Variants in CCDC186 observed in about 807,000 individuals in gnomAD.
The protein encoded by CCDC186 is coiled-coil domain containing 186, also known as coiled-coil domain-containing protein 186.
A neutral mutation model predicts 113.7 loss-of-function variants in CCDC186; 49 were observed. The ratio of observed to expected loss-of-function variants is 0.43; its 90% CI spans 0.34 to 0.55. The LOEUF is 0.55. Among genes scored for constraint, CCDC186 ranks in the 20% least tolerant of loss-of-function variants. The pLI, the probability that CCDC186 is intolerant of heterozygous loss-of-function variation, is 0.02. For synonymous variants in CCDC186, 355 were observed against 345.8 expected (o/e 1.03, Z -0.30); for missense variants, 890 against 1,011.1 (o/e 0.88, Z 1.62).
chr10:114,166,047 C>T (rs2032328039), intron 1 of CCDC186: 1 of 449,238 alleles, frequency 2.2e-6, no homozygotes, highest in Non-Finnish European at 2.9e-6. Context: ...GGCAAAGTTA[C>T]ATCGGACCAA....
At chr10:114,172,562 A>C (rs1351663616) in intron 1 of CCDC186, among the ~76,000 whole-genome samples, 2 of 152,252 alleles carry the variant, frequency 1.3e-5, no homozygotes, top group African/African-American at 4.8e-5. Context: ...AGAAACCTTA[A>C]GTTTATATGC....
At position 114,160,777 on chromosome 10, in the gene CCDC186, T is replaced by C. The variant is rs549210804; in HGVS notation, c.632+1860A>G. Among the ~76,000 whole-genome samples, 6 of 152,260 alleles carry C rather than the reference T, an allele frequency of 3.9e-5. No homozygotes were observed. The South Asian group carries it at 8.3e-4, about 21-fold the overall frequency. On this transcript the variant is annotated intron_variant, in intron 2 of 15. Transcript: ENST00000369287. Reference sequence around the variant, plus strand: ...GAAGTTTTCTTCATAGAAAATTAGATGAAGAAAAAAGTTAAGAAAAAAATT... The same window carrying C: ...GAAGTTTTCTTCATAGAAAATTAGACGAAGAAAAAAGTTAAGAAAAAAATT...
intron 6 of CCDC186, 110 bp from the exon 7 acceptor site, chr10:114,137,400 A>G: frequency 9.1e-6 from 6 of 662,362 alleles, no homozygotes; most frequent in Admixed American, 2.9e-5. Context: ...TGAGGGGCCG[A>G]TTATTATTCT....
At chr10:114,144,647 C>A in intron 5 of CCDC186, 31 bp from the exon 6 acceptor site, 2 of 1,555,314 alleles carry the variant, frequency 1.3e-6, no homozygotes, top group South Asian at 1.2e-5. Context: ...CATATATTTT[C>A]ATTTATAGAA....
At chr10:114,150,602 T>C (rs1378393520) in intron 4 of CCDC186, among the ~76,000 whole-genome samples, 1 of 152,192 alleles carries the variant, frequency 6.6e-6, no homozygotes, top group African/African-American at 2.4e-5. Context: ...TTCCATACAC[T>C]TTTTTATTCA....
At chr10:114,171,273 C>G (rs2032485865) in intron 1 of CCDC186, among the ~76,000 whole-genome samples, 1 of 152,076 alleles carries the variant, frequency 6.6e-6, no homozygotes, top group Non-Finnish European at 1.5e-5. Context: ...AGGTGGCTCA[C>G]ACCTGTAATC....
intron 9 of CCDC186, among the ~76,000 whole-genome samples, chr10:114,135,279 T>A (rs765343175): frequency 7.9e-5 from 12 of 151,996 alleles, no homozygotes; most frequent in African/African-American, 1.2e-4. Context: ...CACCATCTCC[T>A]CACCTGAAAA....
At chr10:114,138,544 CA>C (rs2031357760) in intron 6 of CCDC186, among the ~76,000 whole-genome samples, 1 of 152,132 alleles carries the variant, frequency 6.6e-6, no homozygotes, top group African/African-American at 2.4e-5. Flanking sequence ...CTCAGCCTCC[CA>C]AACTGTCTTT....
chr10:114,149,857 G>GC (rs1231090382), intron 4 of CCDC186, among the ~76,000 whole-genome samples: 9 of 144,060 alleles, frequency 6.2e-5, no homozygotes, highest in African/African-American at 1.6e-4. Flanking sequence ...AGGCAGGCAG[G>GC]AAGGCAGGCA....
At chr10:114,156,190 T>C (rs894397796) in intron 3 of CCDC186, among the ~76,000 whole-genome samples, 17 of 152,204 alleles carry the variant, frequency 1.1e-4, no homozygotes, top group Admixed American at 1.1e-3. Context: ...ATACATACAA[T>C]TTTACAAATA....
At position 114,163,402 on chromosome 10, in the gene CCDC186, G is replaced by A. The variant is rs2032238879; in HGVS notation, c.-61-73C>T. 4.1e-6 allele frequency: 5 copies of A among 1,210,820 alleles called. No homozygotes were observed. In the South Asian group the frequency reaches 6.2e-5, roughly 15 times the overall value. The allele number at this position is 1,210,820 out of a possible 1,614,324, so 75.0% of individuals were successfully genotyped here. A position where few individuals can be genotyped will look rare whatever the true frequency, so the allele number is the denominator to read the frequency against. Reference sequence around the variant, plus strand: ...CCATACAAACTTGCACACACTCTGTGATGTGGAATAACTAACACCACAAAT... The same window carrying A: ...CCATACAAACTTGCACACACTCTGTAATGTGGAATAACTAACACCACAAAT... On this transcript the variant is annotated intron_variant, in intron 1 of 15. Coordinates refer to ENST00000369287, the MANE Select transcript of CCDC186 (RefSeq NM_018017.4).
intron 14 of CCDC186, 119 bp downstream of exon 14, chr10:114,127,342 A>T: frequency 1.1e-6 from 1 of 918,538 alleles, no homozygotes; most frequent in Non-Finnish European, 1.6e-6. Context: ...TGGGAACTGA[A>T]TAACTATAAT....
At chr10:114,173,708 C>T (rs1186098862) in intron 1 of CCDC186, among the ~76,000 whole-genome samples, 1 of 152,244 alleles carries the variant, frequency 6.6e-6, no homozygotes, top group Non-Finnish European at 1.5e-5. Context: ...AGGCAATGGG[C>T]TCGAATTCAG....
intron 13 of CCDC186, among the ~76,000 whole-genome samples, chr10:114,128,297 C>T (rs1206012593): frequency 6.6e-6 from 1 of 152,152 alleles, no homozygotes; most frequent in Non-Finnish European, 1.5e-5. Context: ...ATCCTCTTTA[C>T]CCTACAAAGA....
rs2031206945 is a variant in CCDC186 at position 114,134,941 on chromosome 10, C to A, written c.1627G>T (p.Ala543Ser). The change falls in exon 10 of 16, where the codon GCA becomes TCA. Residue 543 changes from alanine to serine, a missense_variant. Coordinates refer to ENST00000369287, the MANE Select transcript of CCDC186 (RefSeq NM_018017.4). ...TGAAGCTGCTCCTGTAGCTGATCTG[C>A]AGTTTTCACCTTGTCCAATAAATTC... ...IQNLLDKVKT[A>S]DQLQEQLQRG... The A allele has an allele frequency of 1.2e-6, 2 of 1,611,640 alleles. No individual in the cohort carries two copies. The highest frequency in any genetic ancestry group is 1.7e-5 in the Admixed American group (1 of 59,654).
At chr10:114,136,450 C>T (rs762825266) in intron 7 of CCDC186, among the ~76,000 whole-genome samples, 3 of 152,136 alleles carry the variant, frequency 2.0e-5, no homozygotes, top group Non-Finnish European at 4.4e-5. Flanking sequence ...GTTTCATCCT[C>T]GAGTGTGTTT....
chr10:114,123,259 T>C lies in CCDC186; in HGVS notation c.*1884A>G, dbSNP rs1330221289. On this transcript the variant is annotated 3_prime_UTR_variant, in exon 16 of 16. Transcript: ENST00000369287. ...TTGGTAAAAAGAACAAGACACATTA[T>C]GTTAAGACTAATACTTTTTATAACT... The C allele has an allele frequency of 6.6e-6, 1 of 152,634 alleles. No individual in the cohort carries two copies. The highest frequency in any genetic ancestry group is 1.5e-5 in the Non-Finnish European group (1 of 68,024). 9.5% of individuals were successfully genotyped at this position (152,634 alleles called of 1,614,324 possible). A position where few individuals can be genotyped will look rare whatever the true frequency, so the allele number is the denominator to read the frequency against.
chr10:114,134,283 C>T (rs1196254495), intron 10 of CCDC186, among the ~76,000 whole-genome samples: 2 of 152,150 alleles, frequency 1.3e-5, no homozygotes, highest in African/African-American at 4.8e-5. Context: ...AGAAAAGATG[C>T]TAGAAGATGG....
rs752090616 is a variant in CCDC186 at position 114,151,154 on chromosome 10, C to T, written c.826G>A (p.Asp276Asn). The T allele has an allele frequency of 1.2e-6, 2 of 1,613,116 alleles. No homozygotes were observed. The highest frequency in any genetic ancestry group is 2.2e-5 in the South Asian group (2 of 91,044). ...KASRDQLIAQ[D>N]VTAKNAVQQL... is the part of the protein sequence containing the mutation. Reference sequence around the variant, plus strand: ...TGAACTGCATTTTTAGCTGTAACGTCTTGAGCTATTAGTTGATCTCTGGAA... The same window carrying T: ...TGAACTGCATTTTTAGCTGTAACGTTTTGAGCTATTAGTTGATCTCTGGAA... The change falls in exon 4 of 16, where the codon GAC (aspartate) becomes AAC (asparagine). Residue 276 changes from aspartate (D) to asparagine (N), a missense_variant. Physicochemically the swap from Asp to Asn is conservative, Grantham distance 23. Coordinates refer to ENST00000369287, the MANE Select transcript of CCDC186 (RefSeq NM_018017.4).
Sources: allele counts gnomAD v4.1 joint callset (sites outside exome capture counted in the v4.1 genomes callset), GRCh38; gene constraint gnomAD v4.1.1; transcripts MANE v1.5; gene names NCBI Gene and HGNC (gene_info 2026-07-23, HGNC 2026-07-21).